CDH20: variants seen among roughly 807,000 people sequenced by gnomAD.
The protein encoded by CDH20 is cadherin 20.
In CDH20, 29 loss-of-function variants were observed where a neutral mutation model predicts 74.2. The observed-to-expected ratio is 0.39, with a 90% CI of 0.29 to 0.53. CDH20 has a LOEUF of 0.53. Ranked by LOEUF, CDH20 falls within the 20% of genes least tolerant of loss-of-function variation. The pLI is 0.69. For synonymous variants in CDH20, 469 were observed against 405.4 expected, an observed-to-expected ratio of 1.16 and a Z score of -1.88; for missense variants, 988 against 1,048.3, an observed-to-expected ratio of 0.94 and a Z score of 0.79.
At chr18:61,384,364 T>C (rs2144187170) in intron 1 of CDH20, among the ~76,000 whole-genome samples, 1 of 152,296 alleles carries the variant, frequency 6.6e-6, no homozygotes, top group East Asian at 1.9e-4. Context: ...TAACACAGGC[T>C]TCAATATTTC....
Position 61,554,460 on chromosome 18 carries a change from G to A in CDH20, c.2171G>A (p.Ser724Asn). ...TGCGCAGTGAACAGCACTGTCCACAGCTACGTGCTGGCCAAGCTCTACGAG... is the reference window on the plus strand; with the variant it reads ...TGCGCAGTGAACAGCACTGTCCACAACTACGTGCTGGCCAAGCTCTACGAG... ...QTCAVNSTVH[S>N]YVLAKLYEAD... The change falls in exon 12 of 12, where the codon AGC becomes AAC. Residue 724 changes from serine (S) to asparagine (N), a missense_variant. Physicochemically the swap from Ser to Asn is conservative, Grantham distance 46 (BLOSUM62 1). Transcript: ENST00000262717. 6.2e-7 allele frequency: 1 copy of A among 1,613,326 alleles called. No individual in the cohort carries two copies. The highest frequency in any genetic ancestry group is 8.5e-7 in the Non-Finnish European group (1 of 1,179,920).
chr18:61,422,572 A>G (rs762594567), intron 1 of CDH20, among the ~76,000 whole-genome samples: 16 of 152,066 alleles, frequency 1.1e-4, no homozygotes, highest in Non-Finnish European at 2.4e-4. Flanking sequence ...ACTGCACATT[A>G]CATTTTTTAA....
intron 10 of CDH20, among the ~76,000 whole-genome samples, chr18:61,549,389 A>G (rs1276949131): frequency 6.6e-6 from 1 of 152,250 alleles, no homozygotes; most frequent in Non-Finnish European, 1.5e-5. Context: ...GGTGTGTCAT[A>G]TGATTAGGGG....
At chr18:61,481,714 A>T (rs1009668552) in intron 1 of CDH20, among the ~76,000 whole-genome samples, 1 of 151,960 alleles carries the variant, frequency 6.6e-6, no homozygotes, top group Non-Finnish European at 1.5e-5. Context: ...ATTTTTTTAC[A>T]TATATATTTT....
intron 6 of CDH20, among the ~76,000 whole-genome samples, chr18:61,514,446 T>A (rs1169560459): frequency 6.6e-6 from 1 of 152,228 alleles, no homozygotes; most frequent in Non-Finnish European, 1.5e-5. Flanking sequence ...TTGGTTTGAA[T>A]GTCCTCCCTT....
At position 61,447,791 on chromosome 18, in the gene CDH20, G is replaced by T. The variant is rs147091685; in HGVS notation, c.-152-42611G>T. ...CTCTGCTCCCCTGGATGGCCAGTCT[G>T]AATCCGTGTTGCCGACTCTCACATA... On this transcript the variant is annotated intron_variant, in intron 1 of 11. Transcript: ENST00000262717. 1.3e-3 allele frequency among the ~76,000 whole-genome samples: 195 copies of T among 152,220 alleles called. 1 individual carries two copies. Among genetic ancestry groups the T allele is most frequent in the African/African-American group, 4.4e-3 (184 of 41,546 alleles).
At chr18:61,371,597 A>G (rs1265678188) in intron 1 of CDH20, among the ~76,000 whole-genome samples, 1 of 152,092 alleles carries the variant, frequency 6.6e-6, no homozygotes, top group African/African-American at 2.4e-5. Context: ...CTTTCCAAAA[A>G]TATTCATGCC....
chr18:61,542,519 G>A (rs1358561662), intron 9 of CDH20, among the ~76,000 whole-genome samples: 1 of 152,190 alleles, frequency 6.6e-6, no homozygotes, highest in South Asian at 2.1e-4. Flanking sequence ...GAGAGTTCCA[G>A]AACTAGAGTT....
intron 2 of CDH20, among the ~76,000 whole-genome samples, chr18:61,492,171 G>A (rs770789891): frequency 2.0e-5 from 3 of 151,848 alleles, no homozygotes; most frequent in South Asian, 4.2e-4. Flanking sequence ...TCTCCTAAAC[G>A]TAGTCTGCCC....
At chr18:61,335,244 C>G (rs1366798835) in intron 1 of CDH20, among the ~76,000 whole-genome samples, 1 of 152,070 alleles carries the variant, frequency 6.6e-6, no homozygotes, top group African/African-American at 2.4e-5. Context: ...TTAGTGTCAC[C>G]CTTGCAGTCT....
intron 1 of CDH20, among the ~76,000 whole-genome samples, chr18:61,407,248 C>T (rs1912360576): frequency 6.6e-6 from 1 of 152,192 alleles, no homozygotes; most frequent in African/African-American, 2.4e-5. Flanking sequence ...GCACTATCTT[C>T]CTTGATTCCA....
chr18:61,449,661 T>C lies in CDH20; in HGVS notation c.-152-40741T>C, dbSNP rs768988064. Among the ~76,000 whole-genome samples the C allele has an allele frequency of 1.1e-3, 168 of 152,084 alleles. 1 individual carries two copies. The highest frequency in any genetic ancestry group is 6.2e-4 in the South Asian group (3 of 4,820). On this transcript the variant is annotated intron_variant, in intron 1 of 11. Transcript: ENST00000262717. Reference sequence around the variant, plus strand: ...TACAAATTGTTTTAAGTTAATGGAATCATAAAGAATTAGGATGATCCAACA... The same window carrying C: ...TACAAATTGTTTTAAGTTAATGGAACCATAAAGAATTAGGATGATCCAACA...
intron 1 of CDH20, among the ~76,000 whole-genome samples, chr18:61,469,192 G>GAAC (rs945076994): frequency 6.6e-6 from 1 of 152,096 alleles, no homozygotes; most frequent in African/African-American, 2.4e-5. Flanking sequence ...CTTCAGATCA[G>GAAC]AACAACAACA....
chr18:61,497,359 C>T (rs1449562998), intron 2 of CDH20, among the ~76,000 whole-genome samples: 6 of 152,168 alleles, frequency 3.9e-5, no homozygotes, highest in African/African-American at 1.4e-4. Context: ...CCATCCCTGT[C>T]GGAGGCTGTT....
intron 1 of CDH20, among the ~76,000 whole-genome samples, chr18:61,392,218 T>C (rs1599054686): frequency 6.7e-6 from 1 of 149,402 alleles, no homozygotes; most frequent in Non-Finnish European, 1.5e-5. Context: ...TTTGCACTTG[T>C]TCTCTGTGTG....
chr18:61,500,478 T>C lies in CDH20; in HGVS notation c.637T>C (p.Tyr213His), dbSNP rs752921611. The change falls in exon 4 of 12, where the codon TAT becomes CAT. Residue 213 changes from tyrosine (Y) to histidine (H), a missense_variant. Coordinates refer to ENST00000262717, the MANE Select transcript of CDH20 (RefSeq NM_031891.4). ...GTACAGCATTCTTCAGGGCCAGCCA[T>C]ATTTTTCTGTGGACTCTAAAACAGG... ...VVYSILQGQP[Y>H]FSVDSKTGVI... is the part of the protein sequence containing the mutation. The C allele has an allele frequency of 1.9e-6, 3 of 1,611,468 alleles. No individual in the cohort carries two copies. The highest frequency in any genetic ancestry group is 2.5e-6 in the Non-Finnish European group (3 of 1,178,292).
chr18:61,463,765 C>G (rs1179489503), intron 1 of CDH20, among the ~76,000 whole-genome samples: 1 of 152,158 alleles, frequency 6.6e-6, no homozygotes, highest in Non-Finnish European at 1.5e-5. Flanking sequence ...ACTCTGGGCA[C>G]TGTGTCCTCA....
At chr18:61,530,923 C>A (rs556646458) in intron 7 of CDH20, among the ~76,000 whole-genome samples, 1 of 152,114 alleles carries the variant, frequency 6.6e-6, no homozygotes, top group Admixed American at 6.6e-5. Context: ...GCAGGGAGTC[C>A]GGAAAGCACC....
At chr18:61,451,563 T>C (rs1029710670) in intron 1 of CDH20, among the ~76,000 whole-genome samples, 3 of 152,110 alleles carry the variant, frequency 2.0e-5, no homozygotes, top group Non-Finnish European at 2.9e-5. Flanking sequence ...AATCAGGGCC[T>C]GATTTAGTGC....
Sources: allele counts gnomAD v4.1 joint callset (sites outside exome capture counted in the v4.1 genomes callset), GRCh38; gene constraint gnomAD v4.1.1; transcripts MANE v1.5; gene names NCBI Gene and HGNC (gene_info 2026-07-23, HGNC 2026-07-21).